The following CFAP44 variants were observed in gnomAD, a reference collection of about 807,000 sequenced individuals.
CFAP44 encodes the protein cilia and flagella associated protein 44.
A neutral mutation model predicts 216.2 loss-of-function variants in CFAP44; 134 were observed. That is an observed-to-expected ratio of 0.62 (90% CI 0.54 to 0.72). The LOEUF is 0.72. Ranked by LOEUF, CFAP44 falls within the 30% of genes least tolerant of loss-of-function variation. The probability of loss-of-function intolerance (pLI) is 0.00; values close to 1 mark genes in which losing one functional copy is unlikely to be tolerated. For missense variants in CFAP44, 2,035 were observed against 2,182.1 expected (o/e 0.93, Z 1.34); for synonymous variants, 700 against 727.6 (o/e 0.96, Z 0.61).
chr3:113,365,349 A>G (rs867664997), intron 19 of CFAP44, among the ~76,000 whole-genome samples: 2 of 152,196 alleles, frequency 1.3e-5, no homozygotes, highest in Non-Finnish European at 2.9e-5. Flanking sequence ...TGGGAAGCCA[A>G]TATGTTCAAA....
chr3:113,374,925 C>T (rs1425469221), intron 17 of CFAP44, among the ~76,000 whole-genome samples: 1 of 152,126 alleles, frequency 6.6e-6, no homozygotes, highest in Admixed American at 6.6e-5. Context: ...CGTGAGCCAC[C>T]GTGCCTGGCC....
Position 113,379,461 on chromosome 3 carries a change from C to G in CFAP44, c.2143G>C (p.Gly715Arg). ...ERRNKLAAEM[G>R]EDGEKEFQEE... ...TGAAATTCTTTTTCTCCATCTTCTCCCATCTCTGCTGCTAGCTTGTTCCTC... is the reference window on the plus strand; with the variant it reads ...TGAAATTCTTTTTCTCCATCTTCTCGCATCTCTGCTGCTAGCTTGTTCCTC... Residue 715 changes from glycine to arginine, a missense_variant, in exon 17 of 35, where the codon GGA becomes CGA. Transcript: ENST00000393845. The G allele has an allele frequency of 1.9e-6, 3 of 1,611,026 alleles. No homozygotes were observed. Among genetic ancestry groups the G allele is most frequent in the Non-Finnish European group, 2.5e-6 (3 of 1,177,356 alleles).
Position 113,374,034 on chromosome 3 carries a change from ACT to A in CFAP44, c.2299-480_2299-479del, listed in dbSNP as rs369768264. On this transcript the variant is annotated intron_variant, in intron 17 of 34. Coordinates refer to ENST00000393845, the MANE Select transcript of CFAP44 (RefSeq NM_001164496.2). ...CAACTGGAAGAGCTATATTGCTCCA[ACT>A]CTAATTTCCTTATTACTGAGATTCC... 1.9e-3 allele frequency among the ~76,000 whole-genome samples: 283 copies of A among 152,276 alleles called. 2 individuals are homozygous for A. Among genetic ancestry groups the A allele is most frequent in the African/African-American group, 5.6e-3 (231 of 41,546 alleles).
intron 25 of CFAP44, among the ~76,000 whole-genome samples, chr3:113,331,024 G>A (rs1950237119): frequency 1.3e-5 from 2 of 152,228 alleles, no homozygotes; most frequent in South Asian, 4.2e-4. Flanking sequence ...AGGGAGGAAG[G>A]GAAAGGCAAT....
At chr3:113,424,350 T>C (rs528099505) in intron 4 of CFAP44, among the ~76,000 whole-genome samples, 2 of 152,020 alleles carry the variant, frequency 1.3e-5, no homozygotes, top group Non-Finnish European at 2.9e-5. Flanking sequence ...GCAGGAGAAT[T>C]GCTTGAACCC....
chr3:113,366,643 C>T (rs1221933848), intron 18 of CFAP44, among the ~76,000 whole-genome samples: 3 of 152,278 alleles, frequency 2.0e-5, no homozygotes, highest in South Asian at 2.1e-4. Flanking sequence ...CCAGCAAGAT[C>T]GACTCAGAAG....
At chr3:113,363,412 T>G (rs1950560138) in intron 20 of CFAP44, 65 bp downstream of exon 20, 4 of 1,582,338 alleles carry the variant, frequency 2.5e-6, no homozygotes, top group Non-Finnish European at 8.6e-7. Context: ...TTGGTCAACT[T>G]CTGCACTGTT....
chr3:113,302,853 C>T (rs1438011525), intron 32 of CFAP44, among the ~76,000 whole-genome samples: 1 of 148,426 alleles, frequency 6.7e-6, no homozygotes, highest in Admixed American at 6.7e-5. Flanking sequence ...ATTCAATGGA[C>T]AAAAAGGATA....
intron 15 of CFAP44, among the ~76,000 whole-genome samples, chr3:113,384,775 C>T (rs1365939922): frequency 6.6e-6 from 1 of 152,096 alleles, no homozygotes; most frequent in Non-Finnish European, 1.5e-5. Context: ...TATGGTAGGT[C>T]TAGCAAACAA....
intron 6 of CFAP44, 91 bp downstream of exon 6, chr3:113,416,433 TG>T: frequency 1.0e-6 from 1 of 996,154 alleles, no homozygotes; most frequent in Non-Finnish European, 1.5e-6. Flanking sequence ...TCTGTTTCTC[TG>T]GAGAACCTTG....
intron 1 of CFAP44, among the ~76,000 whole-genome samples, chr3:113,436,037 CA>C (rs1935231775): frequency 6.6e-6 from 1 of 151,910 alleles, no homozygotes; most frequent in African/African-American, 2.4e-5. Context: ...GGTTAGGAAT[CA>C]AACAATAAAA....
intron 29 of CFAP44, among the ~76,000 whole-genome samples, chr3:113,307,922 G>C (rs559756003): frequency 1.3e-5 from 2 of 152,354 alleles, no homozygotes; most frequent in East Asian, 3.9e-4. Flanking sequence ...GGAGGTTGCA[G>C]TGAGCCGAGA....
rs1293074121 is a variant in CFAP44, at chr3:113,287,077, C to T, written c.*4480G>A. On this transcript the variant is annotated 3_prime_UTR_variant, in exon 35 of 35. Coordinates refer to ENST00000393845, the MANE Select transcript of CFAP44 (RefSeq NM_001164496.2). The stretch of plus-strand genomic sequence containing the variant: ...GAGAGGGAAAATAAAGAAGCTGCCA[C>T]CTAACAGGAGTCACCCAGGAAAGCA... The T allele has an allele frequency of 4.9e-6, 3 of 607,212 alleles. No homozygotes were observed. The highest frequency in any genetic ancestry group is 1.8e-5 in the African/African-American group (1 of 54,680). The allele number at this position is 607,212 out of a possible 1,614,324, so 37.6% of individuals were successfully genotyped here. A position where few individuals can be genotyped will look rare whatever the true frequency, so the allele number is the denominator to read the frequency against.
intron 18 of CFAP44, 91 bp downstream of exon 18, chr3:113,373,320 G>T (rs960682186): frequency 2.4e-6 from 3 of 1,257,256 alleles, no homozygotes; most frequent in African/African-American, 1.5e-5. Context: ...CATTTGGATG[G>T]ATCTTTAAAA....
At chr3:113,429,521 G>A (rs9860549) in intron 2 of CFAP44, among the ~76,000 whole-genome samples, 36,726 of 151,876 alleles carry the variant, frequency 0.24, 5,890 homozygotes, top group African/African-American at 0.46. Context: ...TGCTTAACAC[G>A]TGTTTTCTAT....
intron 3 of CFAP44, chr3:113,426,970 A>G: frequency 2.0e-6 from 1 of 510,812 alleles, no homozygotes. Flanking sequence ...ACCCAGAAGA[A>G]TGAGTATCAG....
intron 9 of CFAP44, among the ~76,000 whole-genome samples, chr3:113,403,300 A>G (rs1934190406): frequency 6.6e-6 from 1 of 152,190 alleles, no homozygotes; most frequent in Non-Finnish European, 1.5e-5. Context: ...GACAATAGCA[A>G]TCAAGGGGAC....
chr3:113,352,824 T>C (rs946795632), intron 22 of CFAP44, among the ~76,000 whole-genome samples: 2 of 152,156 alleles, frequency 1.3e-5, no homozygotes, highest in African/African-American at 4.8e-5. Context: ...CCAAGAGTTA[T>C]TATATTTTGC....
intron 16 of CFAP44, 40 bp downstream of exon 16, chr3:113,380,859 G>T: frequency 1.4e-6 from 2 of 1,459,804 alleles, no homozygotes; most frequent in East Asian, 4.9e-5. Context: ...TCTAAGGAAA[G>T]GAAATTATTA....
Sources: allele counts gnomAD v4.1 joint callset (sites outside exome capture counted in the v4.1 genomes callset), GRCh38; gene constraint gnomAD v4.1.1; transcripts MANE v1.5; gene names NCBI Gene and HGNC (gene_info 2026-07-23, HGNC 2026-07-21).